GMDS: variants seen among roughly 807,000 people sequenced by gnomAD.
GMDS encodes GDP-mannose 4,6-dehydratase.
A neutral mutation model predicts 49.9 loss-of-function variants in GMDS; 20 were observed. The observed-to-expected ratio is 0.40, with a 90% CI of 0.28 to 0.58. The LOEUF (loss-of-function observed/expected upper bound fraction) is 0.58. Ranked by LOEUF, GMDS falls within the 20% of genes least tolerant of loss-of-function variation. The probability of loss-of-function intolerance (pLI) is 0.42; values close to 1 mark genes in which losing one functional copy is unlikely to be tolerated. For synonymous variants in GMDS, 177 were observed against 178.6 expected (o/e 0.99, Z 0.07); for missense variants, 362 against 481.4 (o/e 0.75, Z 2.32).
chr6:1,916,373 C>T lies in GMDS; in HGVS notation c.771+13730G>A, dbSNP rs531064293. ...CTGTTCATACTCAAGATGCCATTAG[C>T]GCAGATTCTCCAAAGTAAGAGTTTT... On this transcript the variant is annotated intron_variant, in intron 7 of 10. Transcript: ENST00000380815. Among the ~76,000 whole-genome samples the T allele has an allele frequency of 2.3e-4, 35 of 152,006 alleles. 1 individual carries two copies. The highest frequency in any genetic ancestry group is 1.9e-4 in the East Asian group (1 of 5,170).
At chr6:2,226,425 T>C (rs1476451887) in intron 1 of GMDS, among the ~76,000 whole-genome samples, 1 of 152,206 alleles carries the variant, frequency 6.6e-6, no homozygotes, top group African/African-American at 2.4e-5. Context: ...CCAACTAAAT[T>C]TTCGCATTAC....
intron 4 of GMDS, among the ~76,000 whole-genome samples, chr6:1,961,208 C>T (rs1763924100): frequency 6.6e-6 from 1 of 152,196 alleles, no homozygotes; most frequent in Admixed American, 6.5e-5. Context: ...TTCTACTACT[C>T]GTAATTCTAG....
chr6:2,243,899 C>T lies in GMDS; in HGVS notation c.102+1422G>A, dbSNP rs1469796574. ...TTTGAGGCAGGATCTCACTCTCTTGCCCCAGGCTGGAGTACAGTGGTACCA... is the reference window on the plus strand; with the variant it reads ...TTTGAGGCAGGATCTCACTCTCTTGTCCCAGGCTGGAGTACAGTGGTACCA... On this transcript the variant is annotated intron_variant, in intron 1 of 10. Coordinates refer to ENST00000380815, the MANE Select transcript of GMDS (RefSeq NM_001500.4). Among the ~76,000 whole-genome samples the T allele has an allele frequency of 2.3e-5, 3 of 132,664 alleles. No individual in the cohort carries two copies. The South Asian group carries it at 7.2e-4, about 32-fold the overall frequency. 87.0% of individuals were successfully genotyped at this position (132,664 alleles called of 152,430 possible). A position where few individuals can be genotyped will look rare whatever the true frequency, so the allele number is the denominator to read the frequency against.
chr6:1,952,337 G>A (rs1392144742), intron 6 of GMDS, among the ~76,000 whole-genome samples: 1 of 152,090 alleles, frequency 6.6e-6, no homozygotes, highest in African/African-American at 2.4e-5. Context: ...TCCACATACA[G>A]ATAAAAAATT....
In GMDS at chr6:1,640,724, A is replaced by G. The variant is rs1003737190; in HGVS notation, c.988-16184T>C. On this transcript the variant is annotated intron_variant, in intron 9 of 10. Transcript: ENST00000380815. This position sits in a 1 kb window ranked among gnomAD's most constrained non-coding sequence, Gnocchi z 4.0. ...AGCCAACCAGACACACGGGGAGCTC[A>G]TGTTCTACTGTGGGGGCACTGTCAG... 2.0e-5 allele frequency among the ~76,000 whole-genome samples: 3 copies of G among 152,226 alleles called. No individual in the cohort carries two copies. Among genetic ancestry groups the G allele is most frequent in the Non-Finnish European group, 2.9e-5 (2 of 68,040 alleles).
chr6:1,970,917 T>C (rs761574507), intron 4 of GMDS, among the ~76,000 whole-genome samples: 13 of 130,326 alleles, frequency 1.0e-4, no homozygotes, highest in Non-Finnish European at 2.0e-4. Context: ...TTTACCTGTG[T>C]AACATACCTG....
chr6:1,915,568 G>A (rs578014792), intron 7 of GMDS, among the ~76,000 whole-genome samples: 1 of 152,344 alleles, frequency 6.6e-6, no homozygotes, highest in East Asian at 1.9e-4. Flanking sequence ...TGGAGACAGT[G>A]ATGGTTTTAA....
intron 1 of GMDS, among the ~76,000 whole-genome samples, chr6:2,204,134 T>C (rs1405930225): frequency 6.6e-6 from 1 of 152,242 alleles, no homozygotes; most frequent in Non-Finnish European, 1.5e-5. Flanking sequence ...CCATTTTCTC[T>C]ACATGCCAAG....
At chr6:1,764,930 A>G (rs1768291117) in intron 7 of GMDS, among the ~76,000 whole-genome samples, 1 of 152,178 alleles carries the variant, frequency 6.6e-6, no homozygotes, top group Admixed American at 6.5e-5. Flanking sequence ...ATAGGTAGAT[A>G]GTTCAGAGGA....
At position 1,633,224 on chromosome 6, in the gene GMDS, T is replaced by C. The variant is rs182440061; in HGVS notation, c.988-8684A>G. On this transcript the variant is annotated intron_variant, in intron 9 of 10. Coordinates refer to ENST00000380815, the MANE Select transcript of GMDS (RefSeq NM_001500.4). ...GGGCTGTTTTATAGTTTTTCTTTGA[T>C]ACTTACATGCAACTTTTACCCTGCA... 1.1e-3 allele frequency among the ~76,000 whole-genome samples: 175 copies of C among 152,376 alleles called. 1 individual carries two copies. The highest frequency in any genetic ancestry group is 4.0e-3 in the African/African-American group (168 of 41,594).
chr6:1,848,889 A>G (rs1385255170), intron 7 of GMDS, among the ~76,000 whole-genome samples: 1 of 152,190 alleles, frequency 6.6e-6, no homozygotes, highest in African/African-American at 2.4e-5. Context: ...ACAGTTTTTC[A>G]GCAGTGGCAT....
intron 1 of GMDS, among the ~76,000 whole-genome samples, chr6:2,206,829 G>A (rs1186335776): frequency 6.6e-6 from 1 of 152,140 alleles, no homozygotes; most frequent in East Asian, 1.9e-4. Flanking sequence ...AGGTATATTT[G>A]TTTAGGAACA....
chr6:2,185,155 T>G (rs760365484), intron 1 of GMDS, among the ~76,000 whole-genome samples: 1 of 152,206 alleles, frequency 6.6e-6, no homozygotes, highest in Non-Finnish European at 1.5e-5. Flanking sequence ...CTTCAGCACT[T>G]AGCTAAGCAG....
At chr6:1,785,561 C>T (rs113860098) in intron 7 of GMDS, among the ~76,000 whole-genome samples, 5,835 of 152,246 alleles carry the variant, frequency 0.038, 363 homozygotes, top group African/African-American at 0.13. Flanking sequence ...ACGTGGGCCC[C>T]CTTGGGCATC....
intron 2 of GMDS, among the ~76,000 whole-genome samples, chr6:2,118,211 G>A (rs1483613924): frequency 6.6e-6 from 1 of 152,130 alleles, no homozygotes; most frequent in East Asian, 1.9e-4. Flanking sequence ...GGGGACAGTT[G>A]ATAAAACAGG....
At chr6:1,741,812 A>T (rs553955604) in intron 8 of GMDS, among the ~76,000 whole-genome samples, 1 of 94,756 alleles carries the variant, frequency 1.1e-5, no homozygotes, top group Non-Finnish European at 2.0e-5. Flanking sequence ...ACTCTGTCTC[A>T]AAAAAAAAAA....
At chr6:1,817,958 G>C (rs892221692) in intron 7 of GMDS, among the ~76,000 whole-genome samples, 19 of 151,948 alleles carry the variant, frequency 1.3e-4, no homozygotes, top group African/African-American at 4.6e-4. Flanking sequence ...GGTGCAAAAA[G>C]CTAAAAAGGG....
At chr6:1,941,138 T>G (rs1240289816) in intron 6 of GMDS, among the ~76,000 whole-genome samples, 9 of 152,162 alleles carry the variant, frequency 5.9e-5, no homozygotes, top group African/African-American at 1.9e-4. Flanking sequence ...ATCGGGGAAC[T>G]AATAAACATG....
At chr6:1,700,828 A>C (rs944940909) in intron 9 of GMDS, among the ~76,000 whole-genome samples, 1 of 152,132 alleles carries the variant, frequency 6.6e-6, no homozygotes, top group Non-Finnish European at 1.5e-5. Context: ...AATGCCTGAC[A>C]CTCAAAGGCC....
Sources: allele counts gnomAD v4.1 joint callset (sites outside exome capture counted in the v4.1 genomes callset), GRCh38; gene constraint gnomAD v4.1.1; non-coding constraint Gnocchi (gnomAD v3.1); transcripts MANE v1.5; gene names NCBI Gene and HGNC (gene_info 2026-07-23, HGNC 2026-07-21).